Variants in GALNT13 observed in about 807,000 individuals in gnomAD.
GALNT13 encodes the protein polypeptide N-acetylgalactosaminyltransferase 13, also known as UDP-GalNAc:polypeptide N-acetylgalactosaminyltransferase 13.
A neutral mutation model predicts 64.2 loss-of-function variants in GALNT13; 28 were observed. That is an observed-to-expected ratio of 0.44 (90% CI 0.32 to 0.60). The LOEUF (loss-of-function observed/expected upper bound fraction) is 0.60, where lower values mean the gene tolerates loss of function less well. Ranked by LOEUF, GALNT13 falls within the 20% of genes least tolerant of loss-of-function variation. GALNT13 has a pLI of 0.05. For synonymous variants in GALNT13, 214 were observed against 224.6 expected, an observed-to-expected ratio of 0.95 and a Z score of 0.42; for missense variants, 577 against 669.8, an observed-to-expected ratio of 0.86 and a Z score of 1.53.
At chr2:153,891,033 T>C (rs1334003901) in intron 1 of GALNT13, among the ~76,000 whole-genome samples, 2 of 152,066 alleles carry the variant, frequency 1.3e-5, no homozygotes, top group Admixed American at 1.3e-4. Flanking sequence ...AAATTCTTTC[T>C]TCTACCTAAA....
chr2:154,195,610 C>T (rs2105766408), intron 4 of GALNT13, among the ~76,000 whole-genome samples: 1 of 152,100 alleles, frequency 6.6e-6, no homozygotes, highest in East Asian at 1.9e-4. Context: ...ACACTTTGGT[C>T]TTTTTAATTT....
chr2:154,209,782 A>G (rs1687665939), intron 4 of GALNT13, among the ~76,000 whole-genome samples: 1 of 152,188 alleles, frequency 6.6e-6, no homozygotes, highest in African/African-American at 2.4e-5. Flanking sequence ...GTGATCTTTG[A>G]TATATGTACA....
chr2:153,537,204 CT>C, the GALNT13 span, among the ~76,000 whole-genome samples: 2 of 152,140 alleles, frequency 1.3e-5, no homozygotes, highest in African/African-American at 4.8e-5. Flanking sequence ...GCTGCAGAGG[CT>C]GTATAGGACA....
the GALNT13 span, among the ~76,000 whole-genome samples, chr2:153,336,298 C>A: frequency 1.3e-5 from 2 of 152,132 alleles, no homozygotes; most frequent in African/African-American, 4.8e-5. Flanking sequence ...CAACAGCTTG[C>A]ACTTTGCACC....
chr2:153,333,631 C>T, the GALNT13 span, among the ~76,000 whole-genome samples: 3 of 152,090 alleles, frequency 2.0e-5, no homozygotes, highest in African/African-American at 7.2e-5. Context: ...TTACATAACT[C>T]CTAGAAGATG....
chr2:153,297,761 A>T, the GALNT13 span, among the ~76,000 whole-genome samples: 1 of 152,202 alleles, frequency 6.6e-6, no homozygotes, highest in Non-Finnish European at 1.5e-5. Context: ...GCAGTTGCTG[A>T]GGCTAACAAT....
intron 2 of GALNT13, among the ~76,000 whole-genome samples, chr2:153,934,650 A>G (rs538909028): frequency 1.9e-4 from 29 of 152,264 alleles, no homozygotes; most frequent in Middle Eastern, 3.4e-3. Flanking sequence ...TAAAAGTACA[A>G]TATATGTTTG....
intron 4 of GALNT13, among the ~76,000 whole-genome samples, chr2:154,205,983 T>C (rs1011752609): frequency 6.6e-6 from 1 of 151,798 alleles, no homozygotes; most frequent in Non-Finnish European, 1.5e-5. Flanking sequence ...ACAATTATGA[T>C]TTTCCTTTTA....
At chr2:153,890,385 G>A (rs907266105) in intron 1 of GALNT13, among the ~76,000 whole-genome samples, 2 of 151,834 alleles carry the variant, frequency 1.3e-5, no homozygotes, top group Non-Finnish European at 2.9e-5. Flanking sequence ...TGTTAGTATC[G>A]ACAGTTGTGA....
the GALNT13 span, among the ~76,000 whole-genome samples, chr2:153,147,166 G>T: frequency 0.51 from 77,524 of 151,244 alleles, 20,082 homozygotes; most frequent in Middle Eastern, 0.58. Flanking sequence ...GAAAAAAAAA[G>T]AGTTGATACA....
chr2:153,466,447 G>GT, the GALNT13 span, among the ~76,000 whole-genome samples: 620 of 93,596 alleles, frequency 6.6e-3, 3 homozygotes, highest in Middle Eastern at 0.017. Flanking sequence ...TTGCTTTCTA[G>GT]TTGTTTTTTT....
the GALNT13 span, among the ~76,000 whole-genome samples, chr2:153,758,302 G>GT: frequency 0.016 from 2,353 of 143,068 alleles, 18 homozygotes; most frequent in African/African-American, 0.026. Context: ...AATAAATGGG[G>GT]TTTTTTTTTT....
the GALNT13 span, among the ~76,000 whole-genome samples, chr2:153,208,772 C>T: frequency 1.3e-5 from 2 of 152,096 alleles, no homozygotes; most frequent in Admixed American, 1.3e-4. Flanking sequence ...CCACCAGCAA[C>T]ATATGAGGGC....
At position 153,891,202 on chromosome 2, in the gene GALNT13, T is replaced by C. The variant is rs182383008; in HGVS notation, c.-176-9734T>C. Among the ~76,000 whole-genome samples the C allele has an allele frequency of 1.3e-4, 20 of 152,168 alleles. No individual in the cohort carries two copies. The East Asian group carries it at 3.1e-3, about 24-fold the overall frequency. ...TACATGCATTTAATTAGATTGCATA[T>C]GTACAGATAGGTCCCTTGGGCCTTC... On this transcript the variant is annotated intron_variant, in intron 1 of 12. Coordinates refer to ENST00000392825, the MANE Select transcript of GALNT13 (RefSeq NM_052917.4).
At chr2:153,264,721 T>C in the GALNT13 span, among the ~76,000 whole-genome samples, 1 of 152,174 alleles carries the variant, frequency 6.6e-6, no homozygotes, top group South Asian at 2.1e-4. Context: ...ACACTGCTTG[T>C]ACTCACTTAT....
intron 4 of GALNT13, among the ~76,000 whole-genome samples, chr2:154,236,397 C>G (rs1689192245): frequency 6.6e-6 from 1 of 152,086 alleles, no homozygotes; most frequent in South Asian, 2.1e-4. Flanking sequence ...CAGTCAGACA[C>G]TTTAATCAGA....
the GALNT13 span, among the ~76,000 whole-genome samples, chr2:153,341,249 G>A: frequency 1.3e-5 from 2 of 152,186 alleles, no homozygotes; most frequent in African/African-American, 4.8e-5. Context: ...TAGGAGTAGT[G>A]AGTGCTTAAT....
At chr2:153,596,981 A>G in the GALNT13 span, among the ~76,000 whole-genome samples, 1 of 152,156 alleles carries the variant, frequency 6.6e-6, no homozygotes, top group Non-Finnish European at 1.5e-5. Context: ...CCCATAAACA[A>G]AATCCAATGA....
chr2:154,266,628 A>G (rs903524691), intron 8 of GALNT13, among the ~76,000 whole-genome samples: 5 of 152,010 alleles, frequency 3.3e-5, no homozygotes, highest in African/African-American at 2.4e-5. Flanking sequence ...GATAAATACT[A>G]TTATTTATTA....
Sources: allele counts gnomAD v4.1 joint callset (sites outside exome capture counted in the v4.1 genomes callset), GRCh38; gene constraint gnomAD v4.1.1; transcripts MANE v1.5; gene names NCBI Gene and HGNC (gene_info 2026-07-23, HGNC 2026-07-21).